Variants in MGAT4C observed in about 807,000 individuals in gnomAD.
MGAT4C encodes the protein MGAT4 family member C.
In MGAT4C, 19 loss-of-function variants were observed where a neutral mutation model predicts 40.1. That is an observed-to-expected ratio of 0.47 (90% CI 0.33 to 0.70). MGAT4C has a LOEUF of 0.70. Ranked by LOEUF, MGAT4C falls within the 30% of genes least tolerant of loss-of-function variation. MGAT4C has a pLI of 0.02. For synonymous variants in MGAT4C, 181 were observed against 187.1 expected (o/e 0.97, Z 0.27); for missense variants, 491 against 563.2 (o/e 0.87, Z 1.30).
chr12:86,743,846 G>C (rs1016704979), intron 1 of MGAT4C, among the ~76,000 whole-genome samples: 4 of 151,574 alleles, frequency 2.6e-5, no homozygotes, highest in African/African-American at 9.7e-5. Context: ...ACAGTTAAGT[G>C]TGGCTTTTTT....
At chr12:86,650,228 C>T (rs915692065) in intron 2 of MGAT4C, among the ~76,000 whole-genome samples, 8 of 151,854 alleles carry the variant, frequency 5.3e-5, no homozygotes, top group African/African-American at 1.9e-4. Flanking sequence ...TATCCTACAA[C>T]AAAGAGTTAC....
At chr12:86,806,268 T>G (rs1952351369) in intron 1 of MGAT4C, among the ~76,000 whole-genome samples, 1 of 151,976 alleles carries the variant, frequency 6.6e-6, no homozygotes, top group Non-Finnish European at 1.5e-5. Context: ...AAATTGTAGT[T>G]TCAAATGCTA....
At chr12:86,228,790 G>T (rs1372874157) in intron 1 of MGAT4C, among the ~76,000 whole-genome samples, 1 of 151,908 alleles carries the variant, frequency 6.6e-6, no homozygotes, top group Admixed American at 6.6e-5. Context: ...ACAGTACTTA[G>T]ATATTAACTA....
intron 3 of MGAT4C, among the ~76,000 whole-genome samples, chr12:86,406,069 TTA>T (rs1432733698): frequency 1.4e-5 from 2 of 145,536 alleles, no homozygotes; most frequent in African/African-American, 2.5e-5. Context: ...ACAGTAATTT[TTA>T]TATATATATA....
intron 1 of MGAT4C, among the ~76,000 whole-genome samples, chr12:86,761,935 T>C (rs1019332407): frequency 6.6e-6 from 1 of 152,144 alleles, no homozygotes; most frequent in Non-Finnish European, 1.5e-5. Context: ...TCATAGTTTC[T>C]TGGGATTAGG....
At chr12:86,220,221 T>C (rs758920956) in intron 1 of MGAT4C, among the ~76,000 whole-genome samples, 1 of 152,122 alleles carries the variant, frequency 6.6e-6, no homozygotes, top group East Asian at 1.9e-4. Flanking sequence ...ACATCCTAGA[T>C]GTGGGCAGCT....
intron 4 of MGAT4C, among the ~76,000 whole-genome samples, chr12:86,269,026 ATATATATATATATATATATATAT>A (rs1952872134): frequency 1.6e-5 from 1 of 61,044 alleles, no homozygotes; most frequent in Admixed American, 2.0e-4. Flanking sequence ...ATATATATAT[ATATATATATATATATATATATAT>A]ATATATATAT....
chr12:86,816,471 T>A lies in MGAT4C; in HGVS notation c.-262+22195A>T, dbSNP rs190203174. 3.0e-4 allele frequency among the ~76,000 whole-genome samples: 45 copies of A among 151,890 alleles called. No homozygotes were observed. In the East Asian group the frequency reaches 8.5e-3, roughly 29 times the overall value. On this transcript the variant is annotated intron_variant, in intron 1 of 7. Transcript: ENST00000548651. The stretch of plus-strand genomic sequence containing the variant: ...CAAATTTTTTTAAAAAAATTTTTAA[T>A]CTTTGAAAATGTCATTAACCTTCAA...
At chr12:86,477,787 T>C (rs1957864624) in intron 2 of MGAT4C, among the ~76,000 whole-genome samples, 1 of 152,012 alleles carries the variant, frequency 6.6e-6, no homozygotes, top group African/African-American at 2.4e-5. Flanking sequence ...GATGTTCCCC[T>C]TCCTGCGTCC....
In MGAT4C at chr12:86,067,703, TA is replaced by T. The variant is rs993707681; in HGVS notation, c.-56-17981del. Among the ~76,000 whole-genome samples the T allele has an allele frequency of 2.2e-4, 34 of 151,246 alleles. No homozygotes were observed. The East Asian group carries it at 4.1e-3, about 18-fold the overall frequency. The stretch of plus-strand genomic sequence containing the variant: ...CACATGTACCCCAGAACTTAAAGTA[TA>T]AAAAAAAAGAGACAGTGAAAGTGCA... On this transcript the variant is annotated intron_variant, in intron 1 of 4. Transcript: ENST00000611864.
At chr12:86,756,953 A>G (rs1311297563) in intron 1 of MGAT4C, among the ~76,000 whole-genome samples, 2 of 152,152 alleles carry the variant, frequency 1.3e-5, no homozygotes, top group East Asian at 1.9e-4. Context: ...CTCAAATCAA[A>G]TTAAATTACA....
At chr12:86,708,225 C>G (rs1335882953) in intron 2 of MGAT4C, among the ~76,000 whole-genome samples, 1 of 152,184 alleles carries the variant, frequency 6.6e-6, no homozygotes, top group Non-Finnish European at 1.5e-5. Context: ...CTAAAAGAGG[C>G]AAAAGTACAG....
intron 2 of MGAT4C, among the ~76,000 whole-genome samples, chr12:86,623,860 C>G (rs894097587): frequency 1.3e-5 from 2 of 152,142 alleles, no homozygotes; most frequent in African/African-American, 4.8e-5. Flanking sequence ...ATCCATTTCT[C>G]CCCAGCTATG....
intron 1 of MGAT4C, among the ~76,000 whole-genome samples, chr12:86,815,056 G>C (rs1952573212): frequency 6.6e-6 from 1 of 151,944 alleles, no homozygotes; most frequent in Non-Finnish European, 1.5e-5. Flanking sequence ...CTTTCTGGAG[G>C]AGACCTTAGG....
chr12:86,320,804 G>A (rs572788443), intron 4 of MGAT4C, among the ~76,000 whole-genome samples: 3 of 152,208 alleles, frequency 2.0e-5, no homozygotes, highest in African/African-American at 7.2e-5. Context: ...TAATAGCCTT[G>A]AGTGGTGACA....
rs1020660818 is a variant in MGAT4C, at chr12:86,099,393, G to T, written c.-56-49670C>A. ...TATTAATTTCTTTCTTTTGGGGGGGGGCAAAAGAAGCTTTCTTTCTTTTTC... is the reference window on the plus strand; with the variant it reads ...TATTAATTTCTTTCTTTTGGGGGGGTGCAAAAGAAGCTTTCTTTCTTTTTC... On this transcript the variant is annotated intron_variant, in intron 1 of 4. Transcript: ENST00000611864. Among the ~76,000 whole-genome samples the T allele has an allele frequency of 3.8e-4, 54 of 143,032 alleles. 1 individual carries two copies. Among genetic ancestry groups the T allele is most frequent in the African/African-American group, 1.3e-3 (53 of 39,464 alleles). 93.8% of individuals were successfully genotyped at this position (143,032 alleles called of 152,430 possible).
chr12:86,463,576 C>T (rs1255954713), intron 2 of MGAT4C, among the ~76,000 whole-genome samples: 1 of 152,136 alleles, frequency 6.6e-6, no homozygotes, highest in African/African-American at 2.4e-5. Flanking sequence ...TTAAAGATCA[C>T]TTTTTCAGGG....
intron 2 of MGAT4C, among the ~76,000 whole-genome samples, chr12:86,026,279 G>T (rs1592718293): frequency 6.6e-6 from 1 of 151,786 alleles, no homozygotes; most frequent in South Asian, 2.1e-4. Flanking sequence ...GATTACCATT[G>T]CTGCTATAGT....
At chr12:86,609,679 C>T (rs188264661) in intron 2 of MGAT4C, among the ~76,000 whole-genome samples, 27 of 151,304 alleles carry the variant, frequency 1.8e-4, no homozygotes, top group Admixed American at 1.1e-3. Context: ...AAGGAATGTC[C>T]AAAGGAAATT....
Sources: allele counts gnomAD v4.1 joint callset (sites outside exome capture counted in the v4.1 genomes callset), GRCh38; gene constraint gnomAD v4.1.1; transcripts MANE v1.5; gene names NCBI Gene and HGNC (gene_info 2026-07-23, HGNC 2026-07-21).